The following MBP variants were observed in gnomAD, a reference collection of about 807,000 sequenced individuals.
MBP encodes myelin basic protein.
MBP carries 16 observed loss-of-function variants against 35.8 expected under a neutral mutation model. The observed-to-expected ratio is 0.45, with a 90% CI of 0.30 to 0.68. The LOEUF (loss-of-function observed/expected upper bound fraction) is 0.68. Ranked by LOEUF, MBP falls within the 30% of genes least tolerant of loss-of-function variation. The probability of loss-of-function intolerance (pLI) is 0.08; values close to 1 mark genes in which losing one functional copy is unlikely to be tolerated. For synonymous variants in MBP, 143 were observed against 159.6 expected, an observed-to-expected ratio of 0.90 and a Z score of 0.78; for missense variants, 380 against 404.7, an observed-to-expected ratio of 0.94 and a Z score of 0.52.
At chr18:77,126,308 A>G (rs1475211581) in intron 1 of MBP, among the ~76,000 whole-genome samples, 1 of 152,230 alleles carries the variant, frequency 6.6e-6, no homozygotes, top group African/African-American at 2.4e-5. Flanking sequence ...CCATGAAGTC[A>G]AAGAAGAAAA....
At chr18:77,037,824 A>T (rs1331381590) in intron 3 of MBP, among the ~76,000 whole-genome samples, 1 of 152,196 alleles carries the variant, frequency 6.6e-6, no homozygotes, top group Admixed American at 6.5e-5. Context: ...AGACGTGGCC[A>T]CATGCAGAAA....
At chr18:76,998,319 C>T (rs899119292) in intron 4 of MBP, among the ~76,000 whole-genome samples, 1 of 96,374 alleles carries the variant, frequency 1.0e-5, no homozygotes, top group South Asian at 4.3e-4. Flanking sequence ...CCCCGTGCTG[C>T]GGCCCCCGTC....
At chr18:77,047,643 T>C (rs995776011) in intron 3 of MBP, among the ~76,000 whole-genome samples, 6 of 152,224 alleles carry the variant, frequency 3.9e-5, no homozygotes, top group Non-Finnish European at 8.8e-5. Flanking sequence ...TTGTAAATTA[T>C]CTCACTAAGC....
chr18:77,060,258 A>G (rs2144761535), intron 3 of MBP, among the ~76,000 whole-genome samples: 1 of 152,296 alleles, frequency 6.6e-6, no homozygotes, highest in African/African-American at 2.4e-5. Context: ...GAATGGAGAA[A>G]GCACATAGGC....
intron 3 of MBP, among the ~76,000 whole-genome samples, chr18:77,055,160 C>T (rs142430281): frequency 1.4e-3 from 209 of 152,328 alleles, no homozygotes; most frequent in African/African-American, 4.8e-3. Flanking sequence ...CGTGTCTGTA[C>T]CACCTTCTGT....
At chr18:77,077,357 C>CAA (rs56002600) in intron 2 of MBP, among the ~76,000 whole-genome samples, 63,671 of 107,324 alleles carry the variant, frequency 0.59, 19,414 homozygotes, top group Middle Eastern at 0.7. Context: ...GACTCCGTCG[C>CAA]AAAAAAAAAA....
intron 1 of MBP, among the ~76,000 whole-genome samples, chr18:77,124,028 C>T (rs1421812454): frequency 1.3e-5 from 2 of 152,160 alleles, no homozygotes; most frequent in African/African-American, 2.4e-5. Context: ...TTTGCTCTTG[C>T]CTGCAGGGCA....
At chr18:77,097,550 A>T (rs1975811231) in intron 2 of MBP, 1 of 152,260 alleles carries the variant, frequency 6.6e-6, no homozygotes, top group Non-Finnish European at 1.5e-5. Context: ...AGTCTCAGCC[A>T]GGGCCATCTG....
intron 3 of MBP, among the ~76,000 whole-genome samples, chr18:77,054,288 C>A (rs1973634058): frequency 6.6e-6 from 1 of 152,248 alleles, no homozygotes; most frequent in African/African-American, 2.4e-5. Flanking sequence ...CACAGCTGCA[C>A]TTCTAAGTGG....
At chr18:77,048,085 A>AC (rs1303017455) in intron 3 of MBP, among the ~76,000 whole-genome samples, 1 of 151,988 alleles carries the variant, frequency 6.6e-6, no homozygotes, top group Non-Finnish European at 1.5e-5. Context: ...GTCTGTTTTG[A>AC]CCCCCCAAAG....
intron 1 of MBP, chr18:77,127,732 T>G (rs1483514483): frequency 6.6e-6 from 1 of 152,104 alleles, no homozygotes; most frequent in Non-Finnish European, 1.5e-5. Context: ...ATGAACAGAC[T>G]TTTCACTGAG....
chr18:77,087,621 T>G (rs1336233947), intron 2 of MBP: 1 of 145,340 alleles, frequency 6.9e-6, no homozygotes, highest in African/African-American at 2.6e-5. Flanking sequence ...GAGGCCGGCG[T>G]GGGAATCTAG....
chr18:76,980,680 A>G (rs1969140168), intron 8 of MBP: 1 of 572,142 alleles, frequency 1.7e-6, no homozygotes, highest in South Asian at 2.1e-5. Flanking sequence ...GTTCTGTGAG[A>G]GAGAACTGGA....
intron 4 of MBP, chr18:77,013,719 T>G: frequency 1.0e-6 from 1 of 985,438 alleles, no homozygotes; most frequent in Non-Finnish European, 1.2e-6. Flanking sequence ...AAGCTAGCTT[T>G]CGAAAACCTC....
intron 2 of MBP, chr18:77,066,711 C>T (rs1348405846): frequency 1.8e-6 from 1 of 551,902 alleles, no homozygotes; most frequent in Admixed American, 2.0e-5. Context: ...CACATAGTTA[C>T]TGCTTTAGAT....
In MBP at chr18:77,028,613, C is replaced by CG. The variant is rs1181899404; in HGVS notation, c.140-11346dup. On this transcript the variant is annotated intron_variant, in intron 3 of 8. Coordinates refer to ENST00000355994, the MANE Select transcript of MBP (RefSeq NM_001025101.2). ...CTCCCGGACGGGGCGGCTGGCCGGGCGGGGGGCTGACCCCCCCCCACCTCC... is the reference window on the plus strand; with the variant it reads ...CTCCCGGACGGGGCGGCTGGCCGGGCGGGGGGGCTGACCCCCCCCCACCTCC... Among the ~76,000 whole-genome samples the CG allele has an allele frequency of 5.6e-5, 4 of 71,564 alleles. 1 individual carries two copies. The highest frequency in any genetic ancestry group is 1.1e-4 in the Non-Finnish European group (3 of 27,184). The allele number at this position is 71,564 out of a possible 152,430, so 46.9% of individuals were successfully genotyped here. A position where few individuals can be genotyped will look rare whatever the true frequency, so the allele number is the denominator to read the frequency against.
At chr18:77,027,982 T>TTTATTTATTTATTTATTTATTTA (rs1972289546) in intron 3 of MBP, among the ~76,000 whole-genome samples, 1 of 145,340 alleles carries the variant, frequency 6.9e-6, no homozygotes, top group African/African-American at 2.6e-5. Context: ...CCCAGCTAAT[T>TTTATTTATTTATTTATTTATTTA]TTTATTTATT....
At chr18:76,980,694 G>A (rs1176055019) in intron 8 of MBP, 13 of 557,264 alleles carry the variant, frequency 2.3e-5, no homozygotes, top group Non-Finnish European at 3.9e-5. Flanking sequence ...AACTGGAATC[G>A]GATTCCCAGG....
intron 4 of MBP, among the ~76,000 whole-genome samples, chr18:76,991,646 T>G (rs972869905): frequency 6.6e-6 from 1 of 152,136 alleles, no homozygotes; most frequent in African/African-American, 2.4e-5. Flanking sequence ...TCCCAGATGC[T>G]ACTTGTTCAG....
Sources: allele counts gnomAD v4.1 joint callset (sites outside exome capture counted in the v4.1 genomes callset), GRCh38; gene constraint gnomAD v4.1.1; transcripts MANE v1.5; gene names NCBI Gene and HGNC (gene_info 2026-07-23, HGNC 2026-07-21).